Variants in USP2 observed in about 807,000 individuals in gnomAD.
USP2 encodes the protein ubiquitin carboxyl-terminal hydrolase 2.
A neutral mutation model predicts 72.0 loss-of-function variants in USP2; 33 were observed. The ratio of observed to expected loss-of-function variants is 0.46; its 90% CI spans 0.35 to 0.61. The LOEUF (loss-of-function observed/expected upper bound fraction) is 0.61, where lower values mean the gene tolerates loss of function less well. USP2 is among the 20% of genes least tolerant of loss of function. The pLI is 0.01. For missense variants in USP2, 691 were observed against 797.8 expected (o/e 0.87, Z 1.61); for synonymous variants, 296 against 312.5 (o/e 0.95, Z 0.56).
chr11:119,359,384 C>G, intron 4 of USP2, 42 bp from the exon 5 acceptor site: 1 of 1,589,742 alleles, frequency 6.3e-7, no homozygotes, highest in Non-Finnish European at 8.6e-7. Flanking sequence ...GAGATATTTT[C>G]TATAAGAAAC....
chr11:119,359,388 A>T (rs1950726669), intron 4 of USP2, 46 bp from the exon 5 acceptor site: 2 of 1,589,576 alleles, frequency 1.3e-6, no homozygotes. Context: ...TATTTTCTAT[A>T]AGAAACTCTG....
At chr11:119,360,410 T>C in intron 2 of USP2, 176 bp from the exon 3 acceptor site, 1 of 727,226 alleles carries the variant, frequency 1.4e-6, no homozygotes, top group Non-Finnish European at 2.4e-6. Flanking sequence ...GGAATGCCTG[T>C]GATTTTCTTT....
chr11:119,370,001 C>T (rs998253036), intron 2 of USP2, among the ~76,000 whole-genome samples: 3 of 152,124 alleles, frequency 2.0e-5, no homozygotes, highest in Non-Finnish European at 1.5e-5. Context: ...CATGGTGAAA[C>T]CCCGTCTCTA....
chr11:119,367,411 G>T (rs1357633856), intron 2 of USP2, among the ~76,000 whole-genome samples: 1 of 152,218 alleles, frequency 6.6e-6, no homozygotes, highest in East Asian at 1.9e-4. Context: ...TTAGGCCAGG[G>T]TTTGGTGACA....
chr11:119,358,594 G>T, intron 7 of USP2, 179 bp downstream of exon 7: 1 of 767,612 alleles, frequency 1.3e-6, no homozygotes. Flanking sequence ...GGGTTTACAG[G>T]CATGAGCCAC....
At chr11:119,376,339 G>C in intron 1 of USP2, 1 of 985,598 alleles carries the variant, frequency 1.0e-6, no homozygotes, top group South Asian at 4.7e-5. Context: ...ACGTGGCTGC[G>C]AGTCTCCCTG....
chr11:119,373,675 G>A (rs752237478), intron 1 of USP2, among the ~76,000 whole-genome samples, 154 bp from the exon 2 acceptor site: 5 of 152,190 alleles, frequency 3.3e-5, no homozygotes, highest in Non-Finnish European at 7.3e-5. Flanking sequence ...ATGCACGCAG[G>A]TGTGCACAGG....
At position 119,381,484 on chromosome 11, in the gene USP2, T is replaced by G. The variant is rs1951057681; in HGVS notation, c.-53A>C. 1 of 1,535,996 alleles carries G rather than the reference T, an allele frequency of 6.5e-7. No homozygotes were observed. Among genetic ancestry groups the G allele is most frequent in the Admixed American group, 2.0e-5 (1 of 50,988 alleles). ...CAGGTGGCACGTACCTGCCTCTTCTTGGAGTATGGACGAGTCGAACCGGGC... is the reference window on the plus strand; with the variant it reads ...CAGGTGGCACGTACCTGCCTCTTCTGGGAGTATGGACGAGTCGAACCGGGC... On this transcript the variant is annotated 5_prime_UTR_variant, in exon 1 of 13. Transcript: ENST00000260187.
At chr11:119,361,448 G>C (rs1404894176) in intron 2 of USP2, among the ~76,000 whole-genome samples, 4 of 152,250 alleles carry the variant, frequency 2.6e-5, no homozygotes, top group Non-Finnish European at 5.9e-5. Flanking sequence ...CTCAGGGAGG[G>C]GACTGGGAGC....
At chr11:119,379,435 A>G in intron 1 of USP2, 1 of 456,738 alleles carries the variant, frequency 2.2e-6, no homozygotes, top group Non-Finnish European at 2.9e-6. Context: ...CAGTCACAGA[A>G]TTAGAGAACA....
intron 1 of USP2, among the ~76,000 whole-genome samples, chr11:119,379,914 TCTC>T (rs1951040296): frequency 5.1e-5 from 3 of 59,212 alleles, no homozygotes; most frequent in Admixed American, 2.4e-4. Context: ...AGTGTTCCTT[TCTC>T]TTTTTTTTTT....
intron 2 of USP2, chr11:119,364,000 G>A: frequency 8.1e-6 from 10 of 1,240,286 alleles, no homozygotes; most frequent in Non-Finnish European, 1.0e-5. Context: ...GCGCATGCTG[G>A]GGGGCGGGCG....
intron 2 of USP2, chr11:119,363,807 C>G (rs752476822): frequency 3.2e-5 from 44 of 1,371,744 alleles, no homozygotes; most frequent in South Asian, 2.9e-4. Flanking sequence ...AGGCGGGACC[C>G]CAGGCCCTCG....
chr11:119,378,876 C>A (rs890356862), intron 1 of USP2: 16 of 573,748 alleles, frequency 2.8e-5, no homozygotes, highest in Non-Finnish European at 3.3e-5. Flanking sequence ...TCCGGAGGAG[C>A]CTTTGGTCTT....
At chr11:119,374,700 C>T (rs1007631636) in intron 1 of USP2, among the ~76,000 whole-genome samples, 1 of 152,098 alleles carries the variant, frequency 6.6e-6, no homozygotes, top group Non-Finnish European at 1.5e-5. Flanking sequence ...GCTGGAGTGG[C>T]AGAGGAGCAA....
intron 5 of USP2, 48 bp from the exon 6 acceptor site, chr11:119,359,182 C>G (rs893733831): frequency 1.1e-5 from 17 of 1,612,294 alleles, no homozygotes; most frequent in African/African-American, 2.7e-5. Flanking sequence ...TCCTAAGAAC[C>G]TGCTCCTACT....
chr11:119,357,902 A>C, intron 9 of USP2, 67 bp from the exon 10 acceptor site: 1 of 1,609,756 alleles, frequency 6.2e-7, no homozygotes, highest in Non-Finnish European at 8.5e-7. Context: ...GTCACTCCTC[A>C]ACTGGATCTG....
At chr11:119,370,826 T>C (rs1006933889) in intron 2 of USP2, among the ~76,000 whole-genome samples, 8 of 152,184 alleles carry the variant, frequency 5.3e-5, no homozygotes, top group African/African-American at 1.9e-4. Context: ...AGGTCCTCTC[T>C]CAAAATTCCC....
At position 119,356,358 on chromosome 11, in the gene USP2, A is replaced by C. The variant is rs921281781; in HGVS notation, c.*477T>G. 1.3e-5 allele frequency: 2 copies of C among 155,922 alleles called. No individual in the cohort carries two copies. The highest frequency in any genetic ancestry group is 2.8e-5 in the Non-Finnish European group (2 of 70,422). 9.7% of individuals were successfully genotyped at this position (155,922 alleles called of 1,614,324 possible). ...TCTGTCCCCTGGAGTTAGCAGCGTG[A>C]AGAGGGCTCTTGGCTCATGGCTCTG... On this transcript the variant is annotated 3_prime_UTR_variant, in exon 13 of 13. Coordinates refer to ENST00000260187, the MANE Select transcript of USP2 (RefSeq NM_004205.5).
Sources: allele counts gnomAD v4.1 joint callset (sites outside exome capture counted in the v4.1 genomes callset), GRCh38; gene constraint gnomAD v4.1.1; transcripts MANE v1.5; gene names NCBI Gene and HGNC (gene_info 2026-07-23, HGNC 2026-07-21).